Variants in CNOT11 observed in about 807,000 individuals in gnomAD.
The protein encoded by CNOT11 is CCR4-NOT transcription complex subunit 11.
Under a neutral mutation model 44.6 loss-of-function variants are expected in CNOT11, and 18 were observed. The ratio of observed to expected loss-of-function variants is 0.40; its 90% CI spans 0.28 to 0.60. The LOEUF is 0.60. CNOT11 is among the 20% of genes least tolerant of loss of function. CNOT11 has a pLI of 0.38. For synonymous variants in CNOT11, 291 were observed against 270.9 expected (o/e 1.07, Z -0.73); for missense variants, 513 against 677.0 (o/e 0.76, Z 2.69).
Position 101,253,496 on chromosome 2 carries a change from C to T in CNOT11, c.514+18C>T. On this transcript the variant is annotated intron_variant, in intron 1 of 6. Coordinates refer to ENST00000289382, the MANE Select transcript of CNOT11 (RefSeq NM_017546.5). The surrounding 1 kb of genome is among the most constrained non-coding windows in gnomAD (Gnocchi z 4.3). ...GCTCTCAGGTACCTCCTGAAGCCAG[C>T]TGTGCCGTGTGGATAGCGTTAGATT... 1 of 1,440,172 alleles carries T rather than the reference C, an allele frequency of 6.9e-7. No homozygotes were observed. Among genetic ancestry groups the T allele is most frequent in the Non-Finnish European group, 9.0e-7 (1 of 1,105,558 alleles). The allele number at this position is 1,440,172 out of a possible 1,614,324, so 89.2% of individuals were successfully genotyped here.
intron 2 of CNOT11, among the ~76,000 whole-genome samples, chr2:101,258,270 C>T (rs1016234054): frequency 7.2e-5 from 11 of 151,814 alleles, no homozygotes; most frequent in Admixed American, 6.6e-4. Flanking sequence ...TGGTGCAGCA[C>T]GCCTGTAATC....
In CNOT11 at chr2:101,269,359, G is replaced by A. The variant is rs757586441; in HGVS notation, c.1479G>A (p.Leu493=). ...RIREAAGLFR[L]LKTLDTGETP... Reference sequence around the variant, plus strand: ...GAGAAGCTGCTGGTCTTTTCCGGTTGTTGAAGACATTGGATACTGGGGAAA... The same window carrying A: ...GAGAAGCTGCTGGTCTTTTCCGGTTATTGAAGACATTGGATACTGGGGAAA... Residue 493 remains leucine, a synonymous_variant, in exon 7 of 7, where the codon TTG becomes TTA. Transcript: ENST00000289382. The surrounding 1 kb of genome is among the most constrained non-coding windows in gnomAD (Gnocchi z 4.8). 3.1e-6 allele frequency: 5 copies of A among 1,614,096 alleles called. No individual in the cohort carries two copies. Among genetic ancestry groups the A allele is most frequent in the Non-Finnish European group, 3.4e-6 (4 of 1,180,008 alleles).
In CNOT11 at chr2:101,269,387, C is replaced by T; in HGVS notation, c.1507C>T (p.Pro503Ser). ...LLKTLDTGET[P>S]SETKMSK ...GAAGACATTGGATACTGGGGAAACA[C>T]CTTCTGAGACCAAAATGTCAAAATA... The change falls in exon 7 of 7, where the codon CCT becomes TCT. Residue 503 changes from proline to serine, a missense_variant. Transcript: ENST00000289382. This position sits in a 1 kb window ranked among gnomAD's most constrained non-coding sequence, Gnocchi z 4.8. The T allele has an allele frequency of 6.2e-7, 1 of 1,614,012 alleles. No individual in the cohort carries two copies. Among genetic ancestry groups the T allele is most frequent in the Non-Finnish European group, 8.5e-7 (1 of 1,179,976 alleles).
rs1681672234 is a variant in CNOT11, at chr2:101,253,474, C to G, written c.510C>G (p.Leu170=). ...RGGQEPDRPP[L]SGFLPPITPP... ...GCCAGGAACCCGACCGCCCTCCGCT[C>G]TCAGGTACCTCCTGAAGCCAGCTGT... Residue 170 remains leucine, a synonymous_variant, in exon 1 of 7, where the codon CTC becomes CTG. Coordinates refer to ENST00000289382, the MANE Select transcript of CNOT11 (RefSeq NM_017546.5). This position sits in a 1 kb window ranked among gnomAD's most constrained non-coding sequence, Gnocchi z 4.3. The G allele has an allele frequency of 2.0e-6, 3 of 1,476,418 alleles. No individual in the cohort carries two copies. The highest frequency in any genetic ancestry group is 2.9e-5 in the African/African-American group (2 of 69,328). 91.5% of individuals were successfully genotyped at this position (1,476,418 alleles called of 1,614,324 possible).
chr2:101,262,704 A>G lies in CNOT11; in HGVS notation c.832+13A>G. 1.2e-6 allele frequency: 2 copies of G among 1,608,172 alleles called. No homozygotes were observed. Among genetic ancestry groups the G allele is most frequent in the South Asian group, 2.2e-5 (2 of 90,656 alleles). ...CCACCTATTGAAAGTAGGTACATAT[A>G]AATTAATTTATACTCTTTGTTTTAT... On this transcript the variant is annotated intron_variant, in intron 3 of 6. Coordinates refer to ENST00000289382, the MANE Select transcript of CNOT11 (RefSeq NM_017546.5).
At position 101,265,147 on chromosome 2, in the gene CNOT11, G is replaced by T. The variant is rs1338124828; in HGVS notation, c.1035+100G>T. 5 of 718,786 alleles carry T rather than the reference G, an allele frequency of 7.0e-6. No individual in the cohort carries two copies. In the East Asian group the frequency reaches 1.5e-4, roughly 22 times the overall value. 44.5% of individuals were successfully genotyped at this position (718,786 alleles called of 1,614,324 possible). ...ACAGAGTCTCACTCGGCTGCCCAGG[G>T]TGGAGTGCAGTGGCACGATCTCGGC... On this transcript the variant is annotated intron_variant, in intron 4 of 6. Transcript: ENST00000289382.
At chr2:101,260,496 G>C (rs1355487810) in intron 2 of CNOT11, among the ~76,000 whole-genome samples, 2 of 152,156 alleles carry the variant, frequency 1.3e-5, no homozygotes, top group Non-Finnish European at 2.9e-5. Context: ...CCAGATTGCA[G>C]ATGTCCGGAT....
chr2:101,266,213 C>T (rs1005488749), intron 4 of CNOT11, among the ~76,000 whole-genome samples: 2 of 152,162 alleles, frequency 1.3e-5, no homozygotes, highest in African/African-American at 2.4e-5. Context: ...ATTCCCGCTC[C>T]GGCTTCCCAC....
At chr2:101,262,021 T>C (rs1681876097) in intron 2 of CNOT11, among the ~76,000 whole-genome samples, 1 of 151,990 alleles carries the variant, frequency 6.6e-6, no homozygotes, top group Non-Finnish European at 1.5e-5. Context: ...TAATTTTTTG[T>C]ATTTTTTTAG....
At chr2:101,264,629 A>G (rs1681938685) in intron 3 of CNOT11, among the ~76,000 whole-genome samples, 1 of 152,242 alleles carries the variant, frequency 6.6e-6, no homozygotes, top group South Asian at 2.1e-4. Flanking sequence ...GTTCTCTGGC[A>G]TCATGCTGGC....
At position 101,255,222 on chromosome 2, in the gene CNOT11, G is replaced by A. The variant is rs190649970; in HGVS notation, c.514+1744G>A. On this transcript the variant is annotated intron_variant, in intron 1 of 6. Coordinates refer to ENST00000289382, the MANE Select transcript of CNOT11 (RefSeq NM_017546.5). The stretch of plus-strand genomic sequence containing the variant: ...AAAAGTACCTGTGAGTGGGCTGGGC[G>A]CGGTGGCTCACGCCTGTAATCCCAG... Among the ~76,000 whole-genome samples, 156 of 152,034 alleles carry A rather than the reference G, an allele frequency of 1.0e-3. 2 individuals carry two copies. Among genetic ancestry groups the A allele is most frequent in the Middle Eastern group, 3.4e-3 (1 of 292 alleles).
At chr2:101,260,695 T>G (rs914997478) in intron 2 of CNOT11, among the ~76,000 whole-genome samples, 9 of 152,204 alleles carry the variant, frequency 5.9e-5, no homozygotes, top group Non-Finnish European at 1.3e-4. Flanking sequence ...AAGTTAAACA[T>G]AAGTGACTAC....
At chr2:101,256,700 T>G (rs909281512) in intron 1 of CNOT11, among the ~76,000 whole-genome samples, 1 of 152,218 alleles carries the variant, frequency 6.6e-6, no homozygotes, top group Non-Finnish European at 1.5e-5. Context: ...GTGTTGTCTG[T>G]TTTTGTTTGC....
intron 1 of CNOT11, among the ~76,000 whole-genome samples, chr2:101,256,155 G>T (rs1558766369): frequency 6.6e-6 from 1 of 150,996 alleles, no homozygotes; most frequent in Non-Finnish European, 1.5e-5. Context: ...AAAAAATAGT[G>T]TAGAAGTTGA....
At chr2:101,268,999 G>A (rs1298097196) in intron 5 of CNOT11, 41 bp from the exon 6 acceptor site, 1 of 1,275,966 alleles carries the variant, frequency 7.8e-7, no homozygotes, top group South Asian at 1.3e-5. Flanking sequence ...CTCAATGTTA[G>A]CAAATGAAAT....
At position 101,253,017 on chromosome 2, in the gene CNOT11, A is replaced by G. The variant is rs1375739917; in HGVS notation, c.53A>G (p.Glu18Gly). ...AASGRLLTAA[E>G]QRGSREAAGS... ...TCTGGCCGGCTTCTCACCGCCGCGGAGCAAAGAGGGTCCCGGGAAGCGGCA... is the reference window on the plus strand; with the variant it reads ...TCTGGCCGGCTTCTCACCGCCGCGGGGCAAAGAGGGTCCCGGGAAGCGGCA... Residue 18 changes from glutamate (E) to glycine (G), a missense_variant, in exon 1 of 7, where the codon GAG becomes GGG. This residue lies in a region of CNOT11 where 259 missense variants were observed against 265.7 expected (regional missense o/e 0.97). Coordinates refer to ENST00000289382, the MANE Select transcript of CNOT11 (RefSeq NM_017546.5). The surrounding 1 kb of genome is among the most constrained non-coding windows in gnomAD (Gnocchi z 4.3). The G allele has an allele frequency of 6.6e-7, 1 of 1,510,664 alleles. No homozygotes were observed. Among genetic ancestry groups the G allele is most frequent in the East Asian group, 2.7e-5 (1 of 36,738 alleles). 93.6% of individuals were successfully genotyped at this position (1,510,664 alleles called of 1,614,324 possible). A position where few individuals can be genotyped will look rare whatever the true frequency, so the allele number is the denominator to read the frequency against.
At position 101,253,790 on chromosome 2, in the gene CNOT11, C is replaced by G. The variant is rs1388627994; in HGVS notation, c.514+312C>G. ...AAATACGGTTCGTTCTTCGAAAACC[C>G]GTCTGTGGTGTGTGAAGTTAAAACC... is the stretch of plus-strand genomic sequence containing the variant. On this transcript the variant is annotated intron_variant, in intron 1 of 6. Transcript: ENST00000289382. This position sits in a 1 kb window ranked among gnomAD's most constrained non-coding sequence, Gnocchi z 4.3. 6.6e-6 allele frequency among the ~76,000 whole-genome samples: 1 copy of G among 152,172 alleles called. No homozygotes were observed. Among genetic ancestry groups the G allele is most frequent in the Non-Finnish European group, 1.5e-5 (1 of 68,036 alleles).
At position 101,265,058 on chromosome 2, in the gene CNOT11, A is replaced by G. The variant is rs1222378180; in HGVS notation, c.1035+11A>G. On this transcript the variant is annotated intron_variant, in intron 4 of 6. Transcript: ENST00000289382. Reference sequence around the variant, plus strand: ...CCCCAACAAACACAGGTGTGTATTGATTGTAAGCATTTTCTTATCTTTTTT... The same window carrying G: ...CCCCAACAAACACAGGTGTGTATTGGTTGTAAGCATTTTCTTATCTTTTTT... 1 of 1,475,708 alleles carries G rather than the reference A, an allele frequency of 6.8e-7. No homozygotes were observed. The highest frequency in any genetic ancestry group is 2.3e-5 in the Admixed American group (1 of 44,384). The allele number at this position is 1,475,708 out of a possible 1,614,324, so 91.4% of individuals were successfully genotyped here. A position where few individuals can be genotyped will look rare whatever the true frequency, so the allele number is the denominator to read the frequency against.
chr2:101,264,495 T>C lies in CNOT11; in HGVS notation c.833-350T>C, dbSNP rs143825192. Among the ~76,000 whole-genome samples, 44 of 152,356 alleles carry C rather than the reference T, an allele frequency of 2.9e-4. 1 individual carries two copies. The East Asian group carries it at 8.5e-3, about 29-fold the overall frequency. The stretch of plus-strand genomic sequence containing the variant: ...GGATGTGTGAGGGCATAGTATTTCA[T>C]TTTTTCATCAAAAGACTTCACCCGT... On this transcript the variant is annotated intron_variant, in intron 3 of 6. Coordinates refer to ENST00000289382, the MANE Select transcript of CNOT11 (RefSeq NM_017546.5).
Sources: allele counts gnomAD v4.1 joint callset (sites outside exome capture counted in the v4.1 genomes callset), GRCh38; gene constraint gnomAD v4.1.1; regional missense constraint gnomAD v4.1.1; non-coding constraint Gnocchi (gnomAD v3.1); transcripts MANE v1.5; gene names NCBI Gene and HGNC (gene_info 2026-07-23, HGNC 2026-07-21).